The following DLG3 variants were observed in gnomAD, a reference collection of about 807,000 sequenced individuals.
The protein encoded by DLG3 is discs large MAGUK scaffold protein 3.
A neutral mutation model predicts 64.1 loss-of-function variants in DLG3; 1 was observed. The ratio of observed to expected loss-of-function variants is 0.02; its 90% CI spans 0.01 to 0.07. DLG3 has a LOEUF of 0.07. Among genes scored for constraint, DLG3 ranks in the 10% least tolerant of loss-of-function variants. DLG3 has a pLI of 1.00. For missense variants in DLG3, 429 were observed against 669.5 expected, an observed-to-expected ratio of 0.64 and a Z score of 3.96; for synonymous variants, 245 against 259.8, an observed-to-expected ratio of 0.94 and a Z score of 0.55.
intron 9 of DLG3, 93 bp downstream of exon 9, chrX:70,454,409 G>C (rs2086665440): frequency 1.3e-6 from 1 of 757,343 alleles, no homozygotes. Flanking sequence ...AAAGCCACTT[G>C]ACCAGGTCCC....
Position 70,503,780 on chromosome X carries a change from C to G in DLG3, c.*1511C>G, listed in dbSNP as rs1569300170. Reference sequence around the variant, plus strand: ...TTTTCCCAGAGTCTGATGGCAGTGACTGTGATCAAGGGAATCTTCACCGCC... The same window carrying G: ...TTTTCCCAGAGTCTGATGGCAGTGAGTGTGATCAAGGGAATCTTCACCGCC... On this transcript the variant is annotated 3_prime_UTR_variant, in exon 19 of 19. Coordinates refer to ENST00000374360, the MANE Select transcript of DLG3 (RefSeq NM_021120.4). 2 of 111,408 alleles carry G rather than the reference C, an allele frequency of 1.8e-5. No homozygotes were observed. Among genetic ancestry groups the G allele is most frequent in the African/African-American group, 6.6e-5 (2 of 30,514 alleles). The allele number at this position is 111,408 out of a possible 1,213,427, so 9.2% of individuals were successfully genotyped here.
rs955342232 is a variant in DLG3, at chrX:70,454,999, G to A, written c.1405+683G>A. The A allele has an allele frequency of 8.0e-6, 6 of 750,199 alleles. No homozygotes were observed. In the African/African-American group the frequency reaches 1.4e-4, roughly 17 times the overall value. 61.8% of individuals were successfully genotyped at this position (750,199 alleles called of 1,213,427 possible). On this transcript the variant is annotated intron_variant, in intron 9 of 18. Transcript: ENST00000374360. ...CGCGGGAAGGCGCGCCCTAGCCTGC[G>A]GGCCAGTGGAGTGGCCATTGGCCGG...
chrX:70,448,893 C>T lies in DLG3; in HGVS notation c.358-20C>T. ...GGAAGGGCAGGGGGCACTAAGGGAA[C>T]TGCCTGTGTCTCCCCCTAGGTGAAT... On this transcript the variant is annotated intron_variant, in intron 1 of 18. Transcript: ENST00000374360. The T allele has an allele frequency of 2.5e-6, 3 of 1,206,768 alleles. No homozygotes were observed. Among genetic ancestry groups the T allele is most frequent in the Non-Finnish European group, 3.4e-6 (3 of 893,141 alleles).
intron 16 of DLG3, 93 bp downstream of exon 16, chrX:70,500,142 A>G: frequency 2.3e-6 from 2 of 858,769 alleles, no homozygotes; most frequent in Non-Finnish European, 3.4e-6. Context: ...GAGCTGCCCA[A>G]CAGTGCTGCT....
rs1017185205 is a variant in DLG3 at position 70,503,194 on chromosome X, T to C, written c.*925T>C. 1 of 112,788 alleles carries C rather than the reference T, an allele frequency of 8.9e-6. No individual in the cohort carries two copies. Among genetic ancestry groups the C allele is most frequent in the Admixed American group, 9.4e-5 (1 of 10,612 alleles). 9.3% of individuals were successfully genotyped at this position (112,788 alleles called of 1,213,427 possible). A position where few individuals can be genotyped will look rare whatever the true frequency, so the allele number is the denominator to read the frequency against. Reference sequence around the variant, plus strand: ...CTCCGCGTGGAATTGCCTATTGTTTTATGCCACCTGATGTGTCTGCATGAG... The same window carrying C: ...CTCCGCGTGGAATTGCCTATTGTTTCATGCCACCTGATGTGTCTGCATGAG... On this transcript the variant is annotated 3_prime_UTR_variant, in exon 19 of 19. Transcript: ENST00000374360.
chrX:70,492,294 A>G lies in DLG3; in HGVS notation c.1697+11A>G. The G allele has an allele frequency of 8.3e-7, 1 of 1,211,272 alleles. No homozygotes were observed. The highest frequency in any genetic ancestry group is 1.1e-6 in the Non-Finnish European group (1 of 895,146). ...CCCCAGTAAGAAGAGGTGAGTCGTC[A>G]TGATCATGAGCAAGGCCTTTCCTGC... is the stretch of plus-strand genomic sequence containing the variant. On this transcript the variant is annotated intron_variant, in intron 11 of 18. Coordinates refer to ENST00000374360, the MANE Select transcript of DLG3 (RefSeq NM_021120.4).
chrX:70,503,528 C>T lies in DLG3; in HGVS notation c.*1259C>T, dbSNP rs1191315691. On this transcript the variant is annotated 3_prime_UTR_variant, in exon 19 of 19. Transcript: ENST00000374360. ...ACAGGGACAGGGAGTCACTTGCCTTCCAGTTCTGTGCTGGGATGGCGGGAC... is the reference window on the plus strand; with the variant it reads ...ACAGGGACAGGGAGTCACTTGCCTTTCAGTTCTGTGCTGGGATGGCGGGAC... The T allele has an allele frequency of 2.7e-5, 3 of 111,346 alleles. No individual in the cohort carries two copies. Among genetic ancestry groups the T allele is most frequent in the Non-Finnish European group, 3.8e-5 (2 of 53,071 alleles). The allele number at this position is 111,346 out of a possible 1,213,427, so 9.2% of individuals were successfully genotyped here.
chrX:70,501,485 G>A (rs1051520249), intron 18 of DLG3, among the ~76,000 whole-genome samples: 1 of 105,107 alleles, frequency 9.5e-6, no homozygotes, highest in South Asian at 4.6e-4. Flanking sequence ...TATGTAATAC[G>A]TTCTTCACCT....
At chrX:70,499,633 A>C (rs992686094) in intron 15 of DLG3, among the ~76,000 whole-genome samples, 18 of 111,823 alleles carry the variant, frequency 1.6e-4, no homozygotes, top group Admixed American at 1.5e-3. Flanking sequence ...GCTTTAGCTC[A>C]GGAAACCCCA....
At chrX:70,470,254 A>G (rs188069039) in intron 9 of DLG3, among the ~76,000 whole-genome samples, 142 of 107,441 alleles carry the variant, frequency 1.3e-3, no homozygotes, top group African/African-American at 4.6e-3. Flanking sequence ...TTTGAGATGG[A>G]GTCTTGCTCT....
chrX:70,478,209 GA>G (rs777658004), intron 9 of DLG3, among the ~76,000 whole-genome samples: 4 of 112,506 alleles, frequency 3.6e-5, no homozygotes, highest in Admixed American at 2.8e-4. Flanking sequence ...TGGTAAGTGT[GA>G]ATATTGTATT....
chrX:70,496,002 C>G (rs2087448153), intron 13 of DLG3, among the ~76,000 whole-genome samples: 1 of 111,886 alleles, frequency 8.9e-6, no homozygotes, highest in Non-Finnish European at 1.9e-5. Flanking sequence ...AGGGGTTGAG[C>G]TGGTCTGCTA....
intron 10 of DLG3, among the ~76,000 whole-genome samples, chrX:70,489,283 T>C (rs2087312789): frequency 9.0e-6 from 1 of 111,167 alleles, no homozygotes; most frequent in South Asian, 3.7e-4. Flanking sequence ...TGTGTTTTAA[T>C]TTTTTTTTGT....
rs1229007331 is a variant in DLG3, at chrX:70,499,208, C to T, written c.1903C>T (p.Pro635Ser). The T allele has an allele frequency of 8.3e-7, 1 of 1,210,068 alleles. No individual in the cohort carries two copies. The highest frequency in any genetic ancestry group is 2.2e-5 in the Admixed American group (1 of 45,914). The change falls in exon 15 of 19, where the codon CCA becomes TCA. Residue 635 changes from proline (P) to serine (S), a missense_variant. Coordinates refer to ENST00000374360, the MANE Select transcript of DLG3 (RefSeq NM_021120.4). ...HYARPVIILGPMKDRVNDDLI... is the reference protein window; with the variant it reads ...HYARPVIILGSMKDRVNDDLI... ...TGCAAGGCCTGTGATCATCCTGGGCCCAATGAAGGACCGAGTCAATGATGA... is the reference window on the plus strand; with the variant it reads ...TGCAAGGCCTGTGATCATCCTGGGCTCAATGAAGGACCGAGTCAATGATGA...
chrX:70,496,195 C>T (rs1414896156), intron 13 of DLG3, among the ~76,000 whole-genome samples: 1 of 112,347 alleles, frequency 8.9e-6, no homozygotes, highest in Non-Finnish European at 1.9e-5. Context: ...GTTCTATCAG[C>T]ATATACTCTC....
At position 70,466,778 on chromosome X, in the gene DLG3, A is replaced by G. The variant is rs1013128116; in HGVS notation, c.1406-12372A>G. 3.6e-5 allele frequency among the ~76,000 whole-genome samples: 4 copies of G among 111,713 alleles called. No individual in the cohort carries two copies. The Admixed American group carries it at 3.8e-4, about 11-fold the overall frequency. The stretch of plus-strand genomic sequence containing the variant: ...TTATCTTGATGTACAGATGTTTCAT[A>G]TGTTTTTATGTGGTCAAATCTATTA... On this transcript the variant is annotated intron_variant, in intron 9 of 18. Coordinates refer to ENST00000374360, the MANE Select transcript of DLG3 (RefSeq NM_021120.4).
chrX:70,459,344 G>T (rs1480892606), intron 9 of DLG3, among the ~76,000 whole-genome samples: 1 of 112,550 alleles, frequency 8.9e-6, no homozygotes, highest in Admixed American at 9.5e-5. Context: ...GGAAGAGTTA[G>T]AAATCAGTGG....
chrX:70,447,528 C>T (rs748680532), intron 1 of DLG3, among the ~76,000 whole-genome samples: 2 of 112,313 alleles, frequency 1.8e-5, no homozygotes, highest in Non-Finnish European at 3.8e-5. Context: ...CTCTCCCTCT[C>T]CTCCTCTCTG....
intron 9 of DLG3, among the ~76,000 whole-genome samples, chrX:70,461,216 C>T: frequency 8.9e-6 from 1 of 112,159 alleles, no homozygotes; most frequent in East Asian, 2.8e-4. Context: ...CCACATCATC[C>T]CCAACACTTG....
Sources: gnomAD v4.1 joint callset for allele counts (sites outside exome capture counted in the v4.1 genomes callset) on GRCh38, gnomAD v4.1.1 for gene constraint, MANE v1.5 for transcripts, NCBI Gene and HGNC (gene_info 2026-07-23, HGNC 2026-07-21) for gene names.